Variants in NAV3 observed in about 807,000 individuals in gnomAD.
The protein encoded by NAV3 is neuron navigator 3.
Under a neutral mutation model 244.7 loss-of-function variants are expected in NAV3, and 87 were observed. That is an observed-to-expected ratio of 0.36 (90% CI 0.30 to 0.42). The LOEUF is 0.42. Among genes scored for constraint, NAV3 ranks in the 20% least tolerant of loss-of-function variants. The probability of loss-of-function intolerance (pLI) is 1.00; values close to 1 mark genes in which losing one functional copy is unlikely to be tolerated. For missense variants in NAV3, 2,663 were observed against 2,893.3 expected, an observed-to-expected ratio of 0.92 and a Z score of 1.83; for synonymous variants, 1,126 against 1,042.2, an observed-to-expected ratio of 1.08 and a Z score of -1.55.
At chr12:78,001,289 CTTAAA>C (rs1433076591) in intron 7 of NAV3, among the ~76,000 whole-genome samples, 3 of 151,994 alleles carry the variant, frequency 2.0e-5, no homozygotes, top group African/African-American at 7.2e-5. Context: ...AATAAGAATA[CTTAAA>C]TTAATAACAA....
At chr12:78,146,262 A>C (rs1956859793) in intron 20 of NAV3, 107 bp from the exon 21 acceptor site, 1 of 379,214 alleles carries the variant, frequency 2.6e-6, no homozygotes, top group African/African-American at 2.1e-5. Context: ...TATTCTTCTC[A>C]TAGTAGATAA....
At chr12:77,663,434 A>G (rs1873561009) in intron 2 of NAV3, among the ~76,000 whole-genome samples, 1 of 152,240 alleles carries the variant, frequency 6.6e-6, no homozygotes, top group African/African-American at 2.4e-5. Flanking sequence ...ACATACAAAC[A>G]AAAAGATATA....
At chr12:78,024,553 A>G (rs1313144664) in intron 9 of NAV3, among the ~76,000 whole-genome samples, 2 of 152,182 alleles carry the variant, frequency 1.3e-5, no homozygotes, top group Non-Finnish European at 2.9e-5. Flanking sequence ...TAAAACATAT[A>G]TACCCACTTA....
At chr12:77,691,355 A>ATATATATATATAT (rs1491582943) in intron 2 of NAV3, among the ~76,000 whole-genome samples, 1 of 137,410 alleles carries the variant, frequency 7.3e-6, no homozygotes, top group African/African-American at 2.7e-5. Flanking sequence ...ATATATATAT[A>ATATATATATATAT]CATATCCATT....
At chr12:77,743,541 AAG>A (rs754786545) in intron 2 of NAV3, among the ~76,000 whole-genome samples, 1 of 151,904 alleles carries the variant, frequency 6.6e-6, no homozygotes, top group Non-Finnish European at 1.5e-5. Context: ...AGAAACTAGA[AAG>A]AGCATAAATG....
Position 77,776,527 on chromosome 12 carries a change from C to T in NAV3, c.73-163792C>T, listed in dbSNP as rs903840502. Among the ~76,000 whole-genome samples the T allele has an allele frequency of 2.6e-5, 4 of 152,102 alleles. No individual in the cohort carries two copies. The South Asian group carries it at 8.3e-4, about 32-fold the overall frequency. ...AATTCCAGCTATTAACTGTAGAGAG[C>T]TCATTTATTCATTCAACTTTTTGTT... On this transcript the variant is annotated intron_variant, in intron 2 of 8. Transcript: ENST00000550042.
Position 78,119,786 on chromosome 12 carries a change from C to T in NAV3, c.3590C>T (p.Thr1197Ile), listed in dbSNP as rs2138632302. ...TCGAGTCCTGTCACCGTCAACCAAA[C>T]AGACAAGGAAAAGGAAAAAGTAGCA... ...GRSSPVTVNQ[T>I]DKEKEKVAVS... Residue 1197 changes from threonine to isoleucine, a missense_variant, in exon 15 of 40, where the codon ACA (threonine) becomes ATA (isoleucine). Thr to Ile is a moderately conservative substitution (Grantham distance 89). Transcript: ENST00000397909. 1 of 1,614,092 alleles carries T rather than the reference C, an allele frequency of 6.2e-7. No homozygotes were observed. Among genetic ancestry groups the T allele is most frequent in the Non-Finnish European group, 8.5e-7 (1 of 1,180,018 alleles).
At chr12:77,654,460 A>G (rs111550094) in intron 2 of NAV3, among the ~76,000 whole-genome samples, 1 of 152,176 alleles carries the variant, frequency 6.6e-6, no homozygotes, top group Non-Finnish European at 1.5e-5. Flanking sequence ...GGAAGCTCCA[A>G]CTGGGTGGAG....
At chr12:78,151,656 A>G (rs1382938849) in intron 22 of NAV3, among the ~76,000 whole-genome samples, 2 of 151,938 alleles carry the variant, frequency 1.3e-5, no homozygotes, top group Non-Finnish European at 2.9e-5. Context: ...TAGTGTGACT[A>G]TAGGAAGAGG....
chr12:78,117,151 G>A, intron 13 of NAV3, among the ~76,000 whole-genome samples: 1 of 58,852 alleles, frequency 1.7e-5, no homozygotes, highest in African/African-American at 7.1e-5. Flanking sequence ...TGAATAAACA[G>A]AAGCAGCATA....
chr12:77,770,440 C>T (rs918552957), intron 2 of NAV3, among the ~76,000 whole-genome samples: 3 of 152,156 alleles, frequency 2.0e-5, no homozygotes, highest in Admixed American at 6.5e-5. Context: ...AGTAAAAAAT[C>T]TGGCCTTCCA....
intron 2 of NAV3, among the ~76,000 whole-genome samples, chr12:77,701,401 T>C (rs1370290618): frequency 1.3e-5 from 2 of 151,914 alleles, no homozygotes; most frequent in African/African-American, 4.8e-5. Flanking sequence ...CTTTTATTCC[T>C]GATACTTGTG....
intron 2 of NAV3, among the ~76,000 whole-genome samples, chr12:77,627,334 A>G (rs1871677089): frequency 6.6e-6 from 1 of 152,190 alleles, no homozygotes; most frequent in Non-Finnish European, 1.5e-5. Flanking sequence ...TACAATCATT[A>G]AACAAAATAC....
intron 2 of NAV3, among the ~76,000 whole-genome samples, chr12:77,665,025 G>T (rs1412152800): frequency 6.6e-6 from 1 of 152,058 alleles, no homozygotes; most frequent in Non-Finnish European, 1.5e-5. Flanking sequence ...ACACCCCCTC[G>T]CCTGGCTAAA....
At chr12:77,839,394 G>A (rs1035830108) in intron 1 of NAV3, among the ~76,000 whole-genome samples, 7 of 152,142 alleles carry the variant, frequency 4.6e-5, no homozygotes, top group African/African-American at 1.7e-4. Flanking sequence ...CATGGTCACT[G>A]TCAAGCTTTG....
intron 2 of NAV3, among the ~76,000 whole-genome samples, chr12:77,796,527 A>G (rs991542462): frequency 6.6e-6 from 1 of 152,238 alleles, no homozygotes; most frequent in African/African-American, 2.4e-5. Flanking sequence ...AAAAACTTAG[A>G]TGATAAGGCA....
chr12:78,007,379 T>G lies in NAV3; in HGVS notation c.1841T>G (p.Val614Gly). The change falls in exon 8 of 40, where the codon GTC becomes GGC. Residue 614 changes from valine (V) to glycine (G), a missense_variant. By Grantham distance (109) the Val-to-Gly change is moderately radical. Transcript: ENST00000397909. ...SSGQSTGNGA[V>G]QLPQQQQHSH... ...GGGCAGAGCACAGGAAATGGTGCTG[T>G]CCAACTCCCTCAACAGCAGCAACAT... 1 of 1,614,104 alleles carries G rather than the reference T, an allele frequency of 6.2e-7. No individual in the cohort carries two copies. Among genetic ancestry groups the G allele is most frequent in the Non-Finnish European group, 8.5e-7 (1 of 1,179,996 alleles).
At position 78,172,552 on chromosome 12, in the gene NAV3, C is replaced by T. The variant is rs1162186485; in HGVS notation, c.4982-2754C>T. 1.5e-4 allele frequency among the ~76,000 whole-genome samples: 23 copies of T among 151,236 alleles called. No homozygotes were observed. The Admixed American group carries it at 1.5e-3, about 10-fold the overall frequency. On this transcript the variant is annotated intron_variant, in intron 24 of 39. Coordinates refer to ENST00000397909, the MANE Select transcript of NAV3 (RefSeq NM_001024383.2). The stretch of plus-strand genomic sequence containing the variant: ...GTTCCAAGATGGACAATAATGGGTG[C>T]CATAGGGAAGGAGGGTACCAAGGAA...
At chr12:77,904,402 C>T (rs1276565605) in intron 1 of NAV3, among the ~76,000 whole-genome samples, 3 of 152,080 alleles carry the variant, frequency 2.0e-5, no homozygotes, top group Non-Finnish European at 4.4e-5. Context: ...GGACAAAAAA[C>T]CAAACACCGC....
Sources: allele counts gnomAD v4.1 joint callset (sites outside exome capture counted in the v4.1 genomes callset), GRCh38; gene constraint gnomAD v4.1.1; transcripts MANE v1.5; gene names NCBI Gene and HGNC (gene_info 2026-07-23, HGNC 2026-07-21).